Variants in SRBD1 observed in about 807,000 individuals in gnomAD.
SRBD1 encodes S1 RNA-binding domain-containing protein 1.
A neutral mutation model predicts 115.3 loss-of-function variants in SRBD1; 88 were observed. The observed-to-expected ratio is 0.76, with a 90% CI of 0.64 to 0.91. The LOEUF (loss-of-function observed/expected upper bound fraction) is 0.91, where lower values mean the gene tolerates loss of function less well. SRBD1 is among the 40% of genes least tolerant of loss of function. SRBD1 has a pLI of 0.00. For synonymous variants in SRBD1, 509 were observed against 407.7 expected (o/e 1.25, Z -2.99); for missense variants, 1,385 against 1,177.4 (o/e 1.18, Z -2.58).
intron 1 of SRBD1, among the ~76,000 whole-genome samples, chr2:45,610,569 A>G (rs190724734): frequency 6.6e-6 from 1 of 152,160 alleles, no homozygotes; most frequent in Non-Finnish European, 1.5e-5. Context: ...TTCCACACAC[A>G]ATATGTTAAT....
intron 14 of SRBD1, among the ~76,000 whole-genome samples, chr2:45,518,255 T>C (rs1221336571): frequency 6.6e-6 from 1 of 152,066 alleles, no homozygotes; most frequent in Non-Finnish European, 1.5e-5. Flanking sequence ...ACTAGCAAAA[T>C]ATCCAAATTT....
At chr2:45,449,337 G>C (rs975977213) in intron 16 of SRBD1, among the ~76,000 whole-genome samples, 3 of 152,156 alleles carry the variant, frequency 2.0e-5, no homozygotes, top group Admixed American at 2.0e-4. Context: ...ATGCCCTTTT[G>C]GCTACCTGTT....
intron 19 of SRBD1, among the ~76,000 whole-genome samples, chr2:45,404,501 T>C (rs183050829): frequency 3.2e-4 from 49 of 152,276 alleles, no homozygotes; most frequent in Non-Finnish European, 5.9e-4. Context: ...ATTTTTGCCA[T>C]TTGTAACCAG....
chr2:45,415,654 GA>G (rs1232862705), intron 18 of SRBD1, among the ~76,000 whole-genome samples: 3 of 19,196 alleles, frequency 1.6e-4, no homozygotes, highest in Non-Finnish European at 3.0e-4. Flanking sequence ...GAGGGGAGGG[GA>G]GGGGAGGGGA....
intron 10 of SRBD1, among the ~76,000 whole-genome samples, chr2:45,558,401 A>G (rs1378667567): frequency 6.6e-6 from 1 of 152,222 alleles, no homozygotes; most frequent in African/African-American, 2.4e-5. Context: ...TCACAAACAC[A>G]GCAACTATTT....
intron 16 of SRBD1, among the ~76,000 whole-genome samples, chr2:45,457,337 T>A (rs1398334937): frequency 6.6e-6 from 1 of 151,940 alleles, no homozygotes; most frequent in East Asian, 1.9e-4. Context: ...GACACCCAAC[T>A]ACTAAAGTGC....
At chr2:45,530,508 C>T (rs1414029493) in intron 14 of SRBD1, among the ~76,000 whole-genome samples, 1 of 151,990 alleles carries the variant, frequency 6.6e-6, no homozygotes, top group Non-Finnish European at 1.5e-5. Flanking sequence ...AAAGTGCTTA[C>T]AAAATAAGAT....
intron 14 of SRBD1, among the ~76,000 whole-genome samples, chr2:45,512,616 T>C (rs1051943760): frequency 5.9e-5 from 9 of 152,302 alleles, no homozygotes; most frequent in Non-Finnish European, 8.8e-5. Context: ...CATTGTGCTT[T>C]ACGTGTAGGA....
chr2:45,479,525 GT>G (rs746928105), intron 15 of SRBD1, among the ~76,000 whole-genome samples: 20 of 152,324 alleles, frequency 1.3e-4, no homozygotes, highest in East Asian at 1.2e-3. Context: ...AAGCCAAAGT[GT>G]AATCCTGAGC....
At chr2:45,559,800 A>C (rs927405791) in intron 10 of SRBD1, among the ~76,000 whole-genome samples, 6 of 152,158 alleles carry the variant, frequency 3.9e-5, no homozygotes, top group Admixed American at 3.3e-4. Flanking sequence ...CAGGCCGGGC[A>C]TGGTGGTTCA....
chr2:45,453,877 C>T (rs981995046), intron 16 of SRBD1, among the ~76,000 whole-genome samples: 7 of 151,986 alleles, frequency 4.6e-5, no homozygotes, highest in South Asian at 2.1e-4. Flanking sequence ...TCATTTTCCT[C>T]TTCTGATAAG....
At chr2:45,606,036 C>T (rs1405264102) in intron 1 of SRBD1, among the ~76,000 whole-genome samples, 2 of 151,638 alleles carry the variant, frequency 1.3e-5, no homozygotes, top group African/African-American at 4.8e-5. Flanking sequence ...CTGTGTGCTT[C>T]ATTTTTTAAG....
intron 16 of SRBD1, among the ~76,000 whole-genome samples, chr2:45,444,229 G>C (rs528714071): frequency 5.8e-4 from 89 of 152,194 alleles, no homozygotes; most frequent in African/African-American, 2.0e-3. Flanking sequence ...AACATAGTGA[G>C]ACCCTAACTT....
chr2:45,413,261 C>A lies in SRBD1; in HGVS notation c.2366G>T (p.Gly789Val). The change falls in exon 19 of 21, where the codon GGA becomes GTA. Residue 789 changes from glycine (G) to valine (V), a missense_variant. Transcript: ENST00000263736. ...GTCTGCTGAAGATGTCACAGCAACTCCTTGAATTTGGCCTGAAGTTTCAGT... is the reference window on the plus strand; with the variant it reads ...GTCTGCTGAAGATGTCACAGCAACTACTTGAATTTGGCCTGAAGTTTCAGT... ...QQTETSGQIQ[G>V]VAVTSSADVE... 1 of 1,613,744 alleles carries A rather than the reference C, an allele frequency of 6.2e-7. No homozygotes were observed. Among genetic ancestry groups the A allele is most frequent in the Non-Finnish European group, 8.5e-7 (1 of 1,179,918 alleles).
intron 16 of SRBD1, among the ~76,000 whole-genome samples, chr2:45,468,552 T>A (rs1315016045): frequency 6.6e-5 from 10 of 152,026 alleles, no homozygotes; most frequent in African/African-American, 2.4e-4. Flanking sequence ...CATGCTCAGC[T>A]AATTGTTTTA....
intron 11 of SRBD1, 142 bp downstream of exon 11, chr2:45,553,481 G>T: frequency 4.8e-6 from 2 of 416,328 alleles, no homozygotes; most frequent in South Asian, 6.1e-5. Flanking sequence ...TTGAAATCAA[G>T]CCTTAACTTT....
intron 16 of SRBD1, among the ~76,000 whole-genome samples, chr2:45,438,327 T>C (rs1391358147): frequency 6.6e-6 from 1 of 152,118 alleles, no homozygotes; most frequent in African/African-American, 2.4e-5. Flanking sequence ...ATCCACAATA[T>C]CCACCATGTA....
At chr2:45,497,835 G>C (rs532944568) in intron 14 of SRBD1, among the ~76,000 whole-genome samples, 6 of 152,104 alleles carry the variant, frequency 3.9e-5, no homozygotes, top group Non-Finnish European at 7.4e-5. Flanking sequence ...AGGAGTTCAA[G>C]ACCAGCCTGA....
chr2:45,506,049 TAAGA>T (rs1670788118), intron 14 of SRBD1, among the ~76,000 whole-genome samples: 1 of 152,132 alleles, frequency 6.6e-6, no homozygotes, highest in African/African-American at 2.4e-5. Context: ...GACCTGAGTC[TAAGA>T]AAGAGTAATA....
Sources: allele counts gnomAD v4.1 joint callset (sites outside exome capture counted in the v4.1 genomes callset), GRCh38; gene constraint gnomAD v4.1.1; transcripts MANE v1.5; gene names NCBI Gene and HGNC (gene_info 2026-07-23, HGNC 2026-07-21).